The following TPO variants were observed in gnomAD, a reference collection of about 807,000 sequenced individuals.
The protein encoded by TPO is thyroid microsomal antigen.
TPO carries 78 observed loss-of-function variants against 96.9 expected under a neutral mutation model. The observed-to-expected ratio is 0.81, with a 90% confidence interval of 0.67 to 0.97. The LOEUF (loss-of-function observed/expected upper bound fraction) is 0.97. Ranked by LOEUF, TPO falls within the 50% of genes least tolerant of loss-of-function variation. TPO has a pLI of 0.00. For synonymous variants in TPO, 547 were observed against 538.0 expected, an observed-to-expected ratio of 1.02 and a Z score of -0.23; for missense variants, 1,252 against 1,274.8, an observed-to-expected ratio of 0.98 and a Z score of 0.27.
chr2:1,412,597 C>A (rs145656465), upstream of TPO, among the ~76,000 whole-genome samples: 5 of 151,478 alleles, frequency 3.3e-5, no homozygotes, highest in African/African-American at 1.2e-4. Flanking sequence ...TGTTCTGAAG[C>A]CTTTGCATCG....
intron 1 of TPO, among the ~76,000 whole-genome samples, chr2:1,390,019 C>CT (rs5828818): frequency 0.056 from 7,677 of 137,992 alleles, 260 homozygotes; most frequent in Non-Finnish European, 0.078. Context: ...TCTTTCTTTT[C>CT]TTTTTTTTTT....
chr2:1,540,515 T>C (rs1338224404), intron 15 of TPO, 79 bp from the exon 16 acceptor site: 2 of 1,601,446 alleles, frequency 1.2e-6, no homozygotes, highest in Middle Eastern at 2.0e-4. Context: ...TGCCTTGCCG[T>C]CGCTCGTGCC....
intron 1 of TPO, among the ~76,000 whole-genome samples, chr2:1,388,306 A>T (rs1038075589): frequency 5.3e-5 from 8 of 152,168 alleles, no homozygotes; most frequent in Non-Finnish European, 1.2e-4. Context: ...CTGCCCCCAG[A>T]GGTGGAGTCT....
chr2:1,440,123 C>T, intron 5 of TPO, among the ~76,000 whole-genome samples: 1 of 151,994 alleles, frequency 6.6e-6, no homozygotes, highest in Admixed American at 6.5e-5. Context: ...TTCCAATGTG[C>T]TACATTTCCA....
At chr2:1,524,926 T>G (rs1319510402) in intron 15 of TPO, among the ~76,000 whole-genome samples, 1 of 113,256 alleles carries the variant, frequency 8.8e-6, no homozygotes, top group African/African-American at 3.5e-5. Flanking sequence ...CCCCGCTGTG[T>G]GCAACCTCCT....
chr2:1,540,459 T>G, intron 15 of TPO, 135 bp from the exon 16 acceptor site: 1 of 1,584,648 alleles, frequency 6.3e-7, no homozygotes, highest in South Asian at 1.1e-5. Context: ...GACTGAAGTG[T>G]GAAATGAAAG....
chr2:1,428,043 C>A (rs1664608182), intron 3 of TPO, among the ~76,000 whole-genome samples: 1 of 152,212 alleles, frequency 6.6e-6, no homozygotes, highest in African/African-American at 2.4e-5. Context: ...ACATTTGATG[C>A]ATGGCTCTGT....
At chr2:1,525,505 T>A in intron 15 of TPO, among the ~76,000 whole-genome samples, 1 of 83,492 alleles carries the variant, frequency 1.2e-5, no homozygotes, top group East Asian at 4.3e-4. Flanking sequence ...AAACCCCCAC[T>A]GGGTACAACC....
chr2:1,503,254 A>G (rs1328064063), intron 13 of TPO, among the ~76,000 whole-genome samples: 1 of 152,128 alleles, frequency 6.6e-6, no homozygotes, highest in Non-Finnish European at 1.5e-5. Context: ...TTCCCTCCAG[A>G]CAGAGCAGCT....
At chr2:1,497,490 G>A (rs1000993429) in intron 13 of TPO, among the ~76,000 whole-genome samples, 1 of 152,192 alleles carries the variant, frequency 6.6e-6, no homozygotes, top group African/African-American at 2.4e-5. Context: ...AGCCCTCTGG[G>A]TGCGACTCCT....
chr2:1,540,650 C>CCGAGCTGAGATG lies in TPO; in HGVS notation c.2678_2689dup (p.Glu893_Cys896dup). ...ATCTCGGAGACAGGCGGAGGAACTC[C>CCGAGCTGAGATG]CGAGCTGAGATGCGGAAAGCACCAG... On this transcript the variant is annotated inframe_insertion, in exon 16 of 17. Coordinates refer to ENST00000329066, the MANE Select transcript of TPO (RefSeq NM_001206744.2). The CCGAGCTGAGATG allele has an allele frequency of 6.2e-7, 1 of 1,613,560 alleles. No individual in the cohort carries two copies. The highest frequency in any genetic ancestry group is 8.5e-7 in the Non-Finnish European group (1 of 1,180,030).
At chr2:1,405,201 C>A (rs1662231573) in intron 1 of TPO, among the ~76,000 whole-genome samples, 1 of 151,230 alleles carries the variant, frequency 6.6e-6, no homozygotes, top group Non-Finnish European at 1.5e-5. Context: ...ATCCATTCAT[C>A]CATCCACTCA....
intron 7 of TPO, among the ~76,000 whole-genome samples, chr2:1,473,385 C>T (rs1430714098): frequency 6.6e-6 from 1 of 152,150 alleles, no homozygotes; most frequent in Non-Finnish European, 1.5e-5. Flanking sequence ...GGCTCTCTGT[C>T]TTCTTTTATT....
chr2:1,496,337 T>G, intron 12 of TPO, 140 bp downstream of exon 12: 1 of 510,994 alleles, frequency 2.0e-6, no homozygotes. Context: ...TCAGGGCAGC[T>G]CCTGGGGCGG....
At chr2:1,413,670 A>G (rs1327370925) in intron 1 of TPO, 125 bp downstream of exon 1, 170 of 985,362 alleles carry the variant, frequency 1.7e-4, no homozygotes, top group Non-Finnish European at 1.9e-4. Context: ...GTCTCTCAGC[A>G]AAGCTGACTG....
At chr2:1,474,050 C>T (rs895715013) in intron 7 of TPO, among the ~76,000 whole-genome samples, 4 of 151,968 alleles carry the variant, frequency 2.6e-5, no homozygotes, top group Non-Finnish European at 4.4e-5. Context: ...TACTAAGTAC[C>T]AACAATGATA....
intron 2 of TPO, among the ~76,000 whole-genome samples, chr2:1,418,255 A>G (rs2148415333): frequency 6.6e-6 from 1 of 151,152 alleles, no homozygotes; most frequent in African/African-American, 2.4e-5. Flanking sequence ...ACTGCACTCC[A>G]GTCTAGGTGA....
chr2:1,398,880 G>T (rs1327879828), intron 1 of TPO, among the ~76,000 whole-genome samples: 3 of 151,814 alleles, frequency 2.0e-5, no homozygotes, highest in African/African-American at 7.2e-5. Context: ...GACAGAGGGT[G>T]GGGGGCGCTG....
At position 1,496,750 on chromosome 2, in the gene TPO, C is replaced by T. The variant is rs113070603; in HGVS notation, c.2371C>T (p.Pro791Ser). 1 of 1,614,156 alleles carries T rather than the reference C, an allele frequency of 6.2e-7. No homozygotes were observed. The highest frequency in any genetic ancestry group is 1.3e-5 in the African/African-American group (1 of 75,050). Residue 791 changes from proline (P) to serine (S), a missense_variant, in exon 13 of 17, where the codon CCT (proline) becomes TCT (serine). Coordinates refer to ENST00000329066, the MANE Select transcript of TPO (RefSeq NM_001206744.2). ...TCTQEGWDFQPPLCKDVNECA... is the reference protein window; with the variant it reads ...TCTQEGWDFQSPLCKDVNECA... The stretch of plus-strand genomic sequence containing the variant: ...CACCCAGGAAGGATGGGATTTCCAG[C>T]CTCCCCTCTGCAAAGGTCAGTCCTT...
Sources: gnomAD v4.1 joint callset for allele counts (sites outside exome capture counted in the v4.1 genomes callset) on GRCh38, gnomAD v4.1.1 for gene constraint, MANE v1.5 for transcripts, NCBI Gene and HGNC (gene_info 2026-07-23, HGNC 2026-07-21) for gene names.